Variants in WBP11 observed in about 807,000 individuals in gnomAD.
WBP11 encodes the protein WW domain-binding protein 11.
In WBP11, 12 loss-of-function variants were observed where a neutral mutation model predicts 66.7. The ratio of observed to expected loss-of-function variants is 0.18; its 90% CI spans 0.12 to 0.29. The LOEUF (loss-of-function observed/expected upper bound fraction) is 0.29. WBP11 is among the 10% of genes least tolerant of loss of function. The probability of loss-of-function intolerance (pLI) is 1.00; values close to 1 mark genes in which losing one functional copy is unlikely to be tolerated. For synonymous variants in WBP11, 255 were observed against 273.8 expected (o/e 0.93, Z 0.68); for missense variants, 555 against 818.3 (o/e 0.68, Z 3.93).
At position 14,794,543 on chromosome 12, in the gene WBP11, C is replaced by G; in HGVS notation, c.715G>C (p.Glu239Gln). 1 of 1,613,528 alleles carries G rather than the reference C, an allele frequency of 6.2e-7. No individual in the cohort carries two copies. The highest frequency in any genetic ancestry group is 8.5e-7 in the Non-Finnish European group (1 of 1,179,990). Reference sequence around the variant, plus strand: ...AAGAACAGTCACTTCTCACCAAGTTCAGGACTATATAACATGTCTTCATCT... The same window carrying G: ...AAGAACAGTCACTTCTCACCAAGTTGAGGACTATATAACATGTCTTCATCT... ...RRDEDMLYSP[E>Q]LAQRGHDDDV... is the part of the protein sequence containing the mutation. The change falls in exon 7 of 12, where the codon GAA becomes CAA. Residue 239 changes from glutamate (E) to glutamine (Q), a missense_variant. Coordinates refer to ENST00000261167, the MANE Select transcript of WBP11 (RefSeq NM_016312.3).
chr12:14,795,317 G>A (rs1388330321), intron 5 of WBP11, among the ~76,000 whole-genome samples: 11 of 152,068 alleles, frequency 7.2e-5, no homozygotes, highest in Admixed American at 1.3e-4. Context: ...GAACCCAGCT[G>A]TTTTTTTTCT....
chr12:14,788,171 G>A (rs1403621251), intron 11 of WBP11, among the ~76,000 whole-genome samples: 3 of 152,092 alleles, frequency 2.0e-5, no homozygotes, highest in African/African-American at 4.8e-5. Flanking sequence ...CCCAGGAGGC[G>A]GAGGTTGCAG....
chr12:14,793,599 A>G (rs1949849481), intron 8 of WBP11, 132 bp downstream of exon 8: 3 of 1,092,836 alleles, frequency 2.7e-6, no homozygotes, highest in Admixed American at 2.5e-5. Flanking sequence ...ATTTTAATAT[A>G]TAAGATGAAC....
Position 14,796,795 on chromosome 12 carries a change from A to AC in WBP11, c.387+11_387+12insG, listed in dbSNP as rs757271699. 5 of 1,577,060 alleles carry AC rather than the reference A, an allele frequency of 3.2e-6. No individual in the cohort carries two copies. Among genetic ancestry groups the AC allele is most frequent in the Admixed American group, 2.1e-5 (1 of 48,038 alleles). On this transcript the variant is annotated intron_variant, in intron 5 of 11. Coordinates refer to ENST00000261167, the MANE Select transcript of WBP11 (RefSeq NM_016312.3). This position sits in a 1 kb window ranked among gnomAD's most constrained non-coding sequence, Gnocchi z 4.5. ...ATTTTAGTTTATCTCTCAAAAAAAAAACCTTGATTACCTTGACAGCATCAA... is the reference window on the plus strand; with the variant it reads ...ATTTTAGTTTATCTCTCAAAAAAAAACACCTTGATTACCTTGACAGCATCAA...
intron 8 of WBP11, among the ~76,000 whole-genome samples, chr12:14,792,057 G>GC (rs1565672473): frequency 6.6e-6 from 1 of 151,960 alleles, no homozygotes; most frequent in South Asian, 2.1e-4. Context: ...GGTGAGGGAT[G>GC]CATCAAAATC....
At chr12:14,795,874 C>G (rs1453380846) in intron 5 of WBP11, among the ~76,000 whole-genome samples, 7 of 152,134 alleles carry the variant, frequency 4.6e-5, no homozygotes, top group African/African-American at 9.7e-5. Flanking sequence ...GCAAGGTAAC[C>G]TGTGCCTTCA....
At chr12:14,794,933 T>C (rs1168752805) in intron 6 of WBP11, 38 bp downstream of exon 6, 1 of 1,612,202 alleles carries the variant, frequency 6.2e-7, no homozygotes, top group Admixed American at 1.7e-5. Context: ...ACTTGTGCCT[T>C]TACTAAATGC....
At chr12:14,794,019 T>G in intron 7 of WBP11, 97 bp from the exon 8 acceptor site, 1 of 792,578 alleles carries the variant, frequency 1.3e-6, no homozygotes, top group Middle Eastern at 4.1e-4. Context: ...CAACTCAGAC[T>G]GTAACAACTT....
intron 4 of WBP11, 38 bp from the exon 5 acceptor site, chr12:14,797,041 G>T: frequency 6.6e-7 from 1 of 1,512,586 alleles, no homozygotes; most frequent in South Asian, 1.4e-5. Flanking sequence ...AAATATAAGA[G>T]GCCACTTCAA....
At chr12:14,788,449 A>G (rs926168867) in intron 11 of WBP11, among the ~76,000 whole-genome samples, 3 of 152,178 alleles carry the variant, frequency 2.0e-5, no homozygotes, top group African/African-American at 7.2e-5. Context: ...TTACAAACTC[A>G]TAATTATTCT....
rs767949651 is a variant in WBP11, at chr12:14,789,132, T to G, written c.1311A>C (p.Gly437=). 5.9e-6 allele frequency: 9 copies of G among 1,531,356 alleles called. No homozygotes were observed. In the South Asian group the frequency reaches 1.1e-4, roughly 18 times the overall value. 94.9% of individuals were successfully genotyped at this position (1,531,356 alleles called of 1,614,324 possible). Residue 437 remains glycine (G), a splice_region_variant and synonymous_variant, in exon 11 of 12, where the codon GGA becomes GGC. Coordinates refer to ENST00000261167, the MANE Select transcript of WBP11 (RefSeq NM_016312.3). ...PTGLPPGPPP[G]APPFLRPPGM... ...CAGGTGGTCTCAGGAATGGAGGAGC[T>G]CCTGAAAAGAGAAAAATGATAAATT...
rs755159256 is a variant in WBP11 at position 14,787,433 on chromosome 12, G to T, written c.1558C>A (p.Pro520Thr). ...AAGGGAGCTGGTGGGAACAGCCCAG[G>T]GGGGGCAGGTCCAAGGGGAGGCACC... ...PLVPPLGPAP[P>T]GLFPPAPLPN... The change falls in exon 12 of 12, where the codon CCT (proline) becomes ACT (threonine). Residue 520 changes from proline to threonine, a missense_variant. Coordinates refer to ENST00000261167, the MANE Select transcript of WBP11 (RefSeq NM_016312.3). The T allele has an allele frequency of 2.0e-5, 31 of 1,551,354 alleles. No homozygotes were observed. Among genetic ancestry groups the T allele is most frequent in the South Asian group, 3.7e-5 (3 of 80,838 alleles).
intron 6 of WBP11, 80 bp downstream of exon 6, chr12:14,794,891 C>T (rs992107186): frequency 5.0e-6 from 8 of 1,605,252 alleles, no homozygotes; most frequent in Admixed American, 1.7e-5. Context: ...TCTTTTATTT[C>T]CCTCTGCATT....
intron 5 of WBP11, among the ~76,000 whole-genome samples, 192 bp from the exon 6 acceptor site, chr12:14,795,296 T>TA (rs570305764): frequency 5.5e-4 from 84 of 152,216 alleles, no homozygotes; most frequent in Non-Finnish European, 1.0e-3. Flanking sequence ...TCTTTACTTC[T>TA]AAAAACGTCA....
chr12:14,801,352 C>T lies in WBP11; in HGVS notation c.32G>A (p.Ser11Asn). 1 of 1,613,350 alleles carries T rather than the reference C, an allele frequency of 6.2e-7. No individual in the cohort carries two copies. The highest frequency in any genetic ancestry group is 8.5e-7 in the Non-Finnish European group (1 of 1,179,612). Residue 11 changes from serine to asparagine, a missense_variant, in exon 2 of 12, where the codon AGT (serine) becomes AAT (asparagine). Coordinates refer to ENST00000261167, the MANE Select transcript of WBP11 (RefSeq NM_016312.3). ...GTCTGTGGGGTTCATAAATTTTCCA[C>T]TCTTGGTGGATGATGTAGATCTCCG... MGRRSTSSTK[S>N]GKFMNPTDQA...
intron 2 of WBP11, 70 bp downstream of exon 2, chr12:14,801,250 A>G (rs1478923602): frequency 5.4e-6 from 8 of 1,480,966 alleles, no homozygotes; most frequent in Non-Finnish European, 7.5e-6. Context: ...GCCACAGAGA[A>G]AGAAATTCCC....
chr12:14,796,786 CA>C lies in WBP11; in HGVS notation c.387+20del, dbSNP rs71438330. ...CTGTATAATATTTTAGTTTATCTCT[CA>C]AAAAAAAAACCTTGATTACCTTGAC... On this transcript the variant is annotated intron_variant, in intron 5 of 11. Coordinates refer to ENST00000261167, the MANE Select transcript of WBP11 (RefSeq NM_016312.3). The surrounding 1 kb of genome is among the most constrained non-coding windows in gnomAD (Gnocchi z 4.5). 4.2e-4 allele frequency: 592 copies of C among 1,423,238 alleles called. No homozygotes were observed. The highest frequency in any genetic ancestry group is 1.4e-3 in the Admixed American group (60 of 44,030). The allele number at this position is 1,423,238 out of a possible 1,614,324, so 88.2% of individuals were successfully genotyped here.
chr12:14,800,093 T>C (rs1949941945), intron 3 of WBP11, among the ~76,000 whole-genome samples: 2 of 152,150 alleles, frequency 1.3e-5, no homozygotes, highest in Non-Finnish European at 2.9e-5. Context: ...AAGCAAAGGT[T>C]GAAGCTAAAT....
chr12:14,803,303 A>C (rs1949994469), intron 1 of WBP11, 49 bp downstream of exon 1: 5 of 396,658 alleles, frequency 1.3e-5, no homozygotes, highest in Non-Finnish European at 1.8e-5. Context: ...GGGACGTGGA[A>C]GGGACGAAAG....
Sources: gnomAD v4.1 joint callset for allele counts (sites outside exome capture counted in the v4.1 genomes callset) on GRCh38, gnomAD v4.1.1 for gene constraint, Gnocchi (gnomAD v3.1) non-coding constraint, MANE v1.5 for transcripts, NCBI Gene and HGNC (gene_info 2026-07-23, HGNC 2026-07-21) for gene names.